Variants in SORCS3 observed in about 807,000 individuals in gnomAD.
SORCS3 encodes sortilin related VPS10 domain containing receptor 3, also known as VPS10 domain-containing receptor SorCS3.
Under a neutral mutation model 146.3 loss-of-function variants are expected in SORCS3, and 57 were observed. The observed-to-expected ratio is 0.39, with a 90% CI of 0.31 to 0.49. The LOEUF is 0.49. Ranked by LOEUF, SORCS3 falls within the 20% of genes least tolerant of loss-of-function variation. SORCS3 has a pLI of 0.92. For synonymous variants in SORCS3, 653 were observed against 618.5 expected, an observed-to-expected ratio of 1.06 and a Z score of -0.83; for missense variants, 1,341 against 1,575.5, an observed-to-expected ratio of 0.85 and a Z score of 2.52.
rs146801904 is a variant in SORCS3 at position 104,838,952 on chromosome 10, A to G, written c.628-3840A>G. Among the ~76,000 whole-genome samples, 20 of 152,260 alleles carry G rather than the reference A, an allele frequency of 1.3e-4. No individual in the cohort carries two copies. In the East Asian group the frequency reaches 3.7e-3, roughly 28 times the overall value. On this transcript the variant is annotated intron_variant, in intron 1 of 26. Coordinates refer to ENST00000369701, the MANE Select transcript of SORCS3 (RefSeq NM_014978.3). ...GCACTACCTTGGGGGTACTTGGTCA[A>G]GGTCAGACATTGCCAAGGCTTAACC...
intron 1 of SORCS3, among the ~76,000 whole-genome samples, chr10:104,751,593 T>C (rs2016983819): frequency 6.6e-6 from 1 of 152,138 alleles, no homozygotes; most frequent in African/African-American, 2.4e-5. Context: ...GAGAGATAGC[T>C]AAAGCTTGCT....
At chr10:104,738,960 A>G (rs1021571740) in intron 1 of SORCS3, among the ~76,000 whole-genome samples, 1 of 152,072 alleles carries the variant, frequency 6.6e-6, no homozygotes, top group African/African-American at 2.4e-5. Flanking sequence ...CCAGGACATG[A>G]GCTGCAGAGA....
At chr10:105,201,321 T>G in intron 16 of SORCS3, 68 bp downstream of exon 16, 1 of 1,537,242 alleles carries the variant, frequency 6.5e-7, no homozygotes, top group Non-Finnish European at 8.8e-7. Flanking sequence ...TGGGGTGGGG[T>G]GAAGATGAAG....
intron 1 of SORCS3, among the ~76,000 whole-genome samples, chr10:104,761,701 G>A (rs555125499): frequency 1.4e-4 from 22 of 152,254 alleles, no homozygotes; most frequent in Admixed American, 5.2e-4. Context: ...TTCTGGGAGA[G>A]GGTGAATGTG....
intron 2 of SORCS3, among the ~76,000 whole-genome samples, chr10:104,885,675 G>A (rs898913148): frequency 6.6e-6 from 1 of 152,058 alleles, no homozygotes; most frequent in Non-Finnish European, 1.5e-5. Flanking sequence ...TCCTACTTAT[G>A]TGAATATGTG....
intron 2 of SORCS3, among the ~76,000 whole-genome samples, chr10:104,895,086 C>T (rs1261222501): frequency 6.6e-6 from 1 of 152,168 alleles, no homozygotes; most frequent in Non-Finnish European, 1.5e-5. Context: ...TGTGGACACT[C>T]AGGGGATGGT....
intron 14 of SORCS3, among the ~76,000 whole-genome samples, chr10:105,181,893 T>A (rs1437118771): frequency 1.3e-5 from 2 of 152,196 alleles, no homozygotes. Context: ...GCCCTTTGAT[T>A]AGCACTTTAA....
intron 4 of SORCS3, among the ~76,000 whole-genome samples, chr10:104,991,098 G>A (rs964941335): frequency 2.8e-4 from 43 of 152,192 alleles, no homozygotes; most frequent in African/African-American, 9.9e-4. Context: ...ACCCAGAGAC[G>A]GTGCATCCAG....
chr10:104,955,952 C>G (rs17118048), intron 3 of SORCS3, among the ~76,000 whole-genome samples: 30,881 of 152,104 alleles, frequency 0.2, 4,939 homozygotes, highest in African/African-American at 0.45. Context: ...CTACAAAGTA[C>G]TACAGAGGGC....
chr10:104,951,747 C>G (rs1321057910), intron 3 of SORCS3, among the ~76,000 whole-genome samples: 1 of 152,120 alleles, frequency 6.6e-6, no homozygotes, highest in Non-Finnish European at 1.5e-5. Context: ...ATTTTGAACC[C>G]TGGAGAAAAC....
At chr10:104,654,937 T>A (rs2015607874) in intron 1 of SORCS3, among the ~76,000 whole-genome samples, 1 of 152,172 alleles carries the variant, frequency 6.6e-6, no homozygotes, top group African/African-American at 2.4e-5. Flanking sequence ...CCAAATACCT[T>A]CAATGTAAAA....
chr10:105,216,410 G>T, intron 18 of SORCS3, among the ~76,000 whole-genome samples: 1 of 152,180 alleles, frequency 6.6e-6, no homozygotes, highest in East Asian at 1.9e-4. Context: ...ATTGAAACCA[G>T]ACTGGGTCTG....
chr10:104,720,540 G>C (rs894075341), intron 1 of SORCS3, among the ~76,000 whole-genome samples: 2 of 152,202 alleles, frequency 1.3e-5, no homozygotes, highest in Non-Finnish European at 2.9e-5. Context: ...AGATCCCTGA[G>C]GAATTGCCTC....
At chr10:105,202,569 C>T (rs1433183754) in intron 16 of SORCS3, among the ~76,000 whole-genome samples, 4 of 152,068 alleles carry the variant, frequency 2.6e-5, no homozygotes, top group African/African-American at 2.4e-5. Context: ...TATTAATTGC[C>T]GTACAAAATG....
intron 3 of SORCS3, among the ~76,000 whole-genome samples, chr10:104,952,714 G>T (rs2019445592): frequency 6.6e-6 from 1 of 152,126 alleles, no homozygotes; most frequent in Non-Finnish European, 1.5e-5. Flanking sequence ...CTAAATGCAT[G>T]CACACACAGA....
chr10:104,977,553 C>G, intron 4 of SORCS3, 60 bp downstream of exon 4: 2 of 1,458,382 alleles, frequency 1.4e-6, no homozygotes, highest in Non-Finnish European at 1.8e-6. Context: ...GTGAAAATCA[C>G]TTGCTTGCTT....
At chr10:104,972,640 G>C (rs1346658229) in intron 3 of SORCS3, among the ~76,000 whole-genome samples, 4 of 151,998 alleles carry the variant, frequency 2.6e-5, no homozygotes, top group Non-Finnish European at 5.9e-5. Flanking sequence ...GAGAGAAAGA[G>C]AGAGAGAGAG....
rs184315010 is a variant in SORCS3, at chr10:104,834,884, G to A, written c.628-7908G>A. ...TAGTACACCCCAACACATTTCAGGA[G>A]ACTCGGTGTTTGCTTGCTATGGGCA... On this transcript the variant is annotated intron_variant, in intron 1 of 26. Coordinates refer to ENST00000369701, the MANE Select transcript of SORCS3 (RefSeq NM_014978.3). 1.9e-4 allele frequency among the ~76,000 whole-genome samples: 29 copies of A among 152,056 alleles called. No individual in the cohort carries two copies. In the East Asian group the frequency reaches 5.6e-3, roughly 29 times the overall value.
intron 1 of SORCS3, among the ~76,000 whole-genome samples, chr10:104,834,286 C>T (rs766518806): frequency 2.0e-5 from 3 of 152,136 alleles, no homozygotes; most frequent in Non-Finnish European, 4.4e-5. Flanking sequence ...GGAGTAAGTA[C>T]CAAGATTCTT....
Sources: allele counts gnomAD v4.1 joint callset (sites outside exome capture counted in the v4.1 genomes callset), GRCh38; gene constraint gnomAD v4.1.1; transcripts MANE v1.5; gene names NCBI Gene and HGNC (gene_info 2026-07-23, HGNC 2026-07-21).